The following FRAS1 variants were observed in gnomAD, a reference collection of about 807,000 sequenced individuals.
FRAS1 encodes the protein Fraser extracellular matrix complex subunit 1.
A neutral mutation model predicts 435.2 loss-of-function variants in FRAS1; 290 were observed. The observed-to-expected ratio is 0.67, with a 90% confidence interval of 0.61 to 0.73. The LOEUF is 0.73. Among genes scored for constraint, FRAS1 ranks in the 30% least tolerant of loss-of-function variants. FRAS1 has a pLI of 0.00. For missense variants in FRAS1, 4,860 were observed against 5,001.5 expected (o/e 0.97, Z 0.85); for synonymous variants, 1,800 against 1,851.0 (o/e 0.97, Z 0.71).
intron 2 of FRAS1, among the ~76,000 whole-genome samples, chr4:78,154,194 A>T (rs2110015325): frequency 6.6e-6 from 1 of 152,200 alleles, no homozygotes; most frequent in South Asian, 2.1e-4. Context: ...TTCAGAAATA[A>T]CCCTACTCAC....
intron 71 of FRAS1, among the ~76,000 whole-genome samples, chr4:78,535,374 C>T (rs529576635): frequency 1.2e-4 from 18 of 152,274 alleles, no homozygotes; most frequent in Admixed American, 5.2e-4. Flanking sequence ...TGGATCTCTC[C>T]GAGCCTCATT....
intron 46 of FRAS1, 46 bp downstream of exon 46, chr4:78,451,937 C>T: frequency 6.4e-7 from 1 of 1,556,594 alleles, no homozygotes; most frequent in African/African-American, 1.4e-5. Flanking sequence ...TTTAGCAGTT[C>T]TGAGGTTATA....
At chr4:78,087,455 T>A (rs1250889240) in intron 2 of FRAS1, among the ~76,000 whole-genome samples, 1 of 152,084 alleles carries the variant, frequency 6.6e-6, no homozygotes, top group Non-Finnish European at 1.5e-5. Context: ...AAATAAAGGG[T>A]ATTCAATTAG....
rs75451930 is a variant in FRAS1, at chr4:78,292,926, T to C, written c.1534+6387T>C. 8.9e-3 allele frequency among the ~76,000 whole-genome samples: 1,361 copies of C among 152,338 alleles called. 16 individuals are homozygous for C. The highest frequency in any genetic ancestry group is 0.027 in the Middle Eastern group (8 of 294). On this transcript the variant is annotated intron_variant, in intron 14 of 73. Coordinates refer to ENST00000512123, the MANE Select transcript of FRAS1 (RefSeq NM_025074.7). Reference sequence around the variant, plus strand: ...AACTTCTTTGGCATTCTACAGCAATTATGGTCCCTTACTAAATTGCTGACT... The same window carrying C: ...AACTTCTTTGGCATTCTACAGCAATCATGGTCCCTTACTAAATTGCTGACT...
intron 6 of FRAS1, among the ~76,000 whole-genome samples, chr4:78,258,551 G>A (rs1346053346): frequency 6.7e-6 from 1 of 149,468 alleles, no homozygotes; most frequent in African/African-American, 2.5e-5. Flanking sequence ...AGAAATCTGA[G>A]GTTTGTCTGC....
At chr4:78,243,919 T>C (rs1725119223) in intron 3 of FRAS1, among the ~76,000 whole-genome samples, 1 of 152,146 alleles carries the variant, frequency 6.6e-6, no homozygotes, top group South Asian at 2.1e-4. Flanking sequence ...TAGTGGAAAT[T>C]AGGCTAATGT....
Position 78,057,717 on chromosome 4 carries a change from C to A in FRAS1, c.-293C>A. On this transcript the variant is annotated 5_prime_UTR_variant, in exon 1 of 74. The change creates a new upstream start codon in the 5' untranslated region. Coordinates refer to ENST00000512123, the MANE Select transcript of FRAS1 (RefSeq NM_025074.7). This position sits in a 1 kb window ranked among gnomAD's most constrained non-coding sequence, Gnocchi z 4.2. ...TCCGGCGAGATTTTGACGCGGAGAA[C>A]TGTGCTCTGCCTCCTCTTATTCTCC... is the stretch of plus-strand genomic sequence containing the variant. 2.1e-6 allele frequency: 1 copy of A among 474,946 alleles called. No homozygotes were observed. Among genetic ancestry groups the A allele is most frequent in the Non-Finnish European group, 3.8e-6 (1 of 266,238 alleles). The allele number at this position is 474,946 out of a possible 1,614,324, so 29.4% of individuals were successfully genotyped here. A position where few individuals can be genotyped will look rare whatever the true frequency, so the allele number is the denominator to read the frequency against.
chr4:78,087,823 T>C (rs866973527), intron 2 of FRAS1, among the ~76,000 whole-genome samples: 3 of 152,274 alleles, frequency 2.0e-5, no homozygotes, highest in South Asian at 2.1e-4. Context: ...GTAGGAAGAA[T>C]CAATATTGTG....
intron 2 of FRAS1, among the ~76,000 whole-genome samples, chr4:78,180,437 A>G (rs183440247): frequency 1.6e-4 from 24 of 152,372 alleles, no homozygotes; most frequent in Non-Finnish European, 2.4e-4. Flanking sequence ...AGCATGTATT[A>G]AAGCCAGTAT....
At chr4:78,523,218 G>C (rs1376188391) in intron 69 of FRAS1, among the ~76,000 whole-genome samples, 1 of 152,108 alleles carries the variant, frequency 6.6e-6, no homozygotes, top group Non-Finnish European at 1.5e-5. Flanking sequence ...GACCAGAAGG[G>C]GCACACATCA....
At chr4:78,160,520 T>C (rs1389393425) in intron 2 of FRAS1, among the ~76,000 whole-genome samples, 1 of 152,178 alleles carries the variant, frequency 6.6e-6, no homozygotes, top group Non-Finnish European at 1.5e-5. Flanking sequence ...TGCACCTTTG[T>C]TTGCTGGTGC....
intron 2 of FRAS1, among the ~76,000 whole-genome samples, chr4:78,152,115 T>C (rs1720690779): frequency 6.6e-6 from 1 of 152,184 alleles, no homozygotes; most frequent in East Asian, 1.9e-4. Context: ...TGTCATGTCG[T>C]GCTATAATTT....
At chr4:78,195,129 G>A (rs1312709753) in intron 2 of FRAS1, among the ~76,000 whole-genome samples, 6 of 152,172 alleles carry the variant, frequency 3.9e-5, no homozygotes, top group Non-Finnish European at 4.4e-5. Context: ...TCGTTCCTCC[G>A]GAAGTTTTGT....
chr4:78,479,693 G>A lies in FRAS1; in HGVS notation c.8418G>A (p.Thr2806=), dbSNP rs528999904. ...CCTCGACTGTGTCCCTGGGCAACACGGCTTTCACTGTCAGTGAGGACGCAG... is the reference window on the plus strand; with the variant it reads ...CCTCGACTGTGTCCCTGGGCAACACAGCTTTCACTGTCAGTGAGGACGCAG... ...NDASTVSLGN[T]AFTVSEDAGT... The change falls in exon 56 of 74, where the codon ACG becomes ACA. Residue 2806 remains threonine, a synonymous_variant. Coordinates refer to ENST00000512123, the MANE Select transcript of FRAS1 (RefSeq NM_025074.7). 57 of 1,595,562 alleles carry A rather than the reference G, an allele frequency of 3.6e-5. No individual in the cohort carries two copies. In the South Asian group the frequency reaches 5.7e-4, roughly 16 times the overall value.
chr4:78,304,768 A>C (rs1384769635), intron 14 of FRAS1, among the ~76,000 whole-genome samples: 1 of 152,054 alleles, frequency 6.6e-6, no homozygotes, highest in African/African-American at 2.4e-5. Context: ...CTTTATTAGA[A>C]AAAAAAGTGG....
chr4:78,122,785 G>A (rs1036278847), intron 2 of FRAS1, among the ~76,000 whole-genome samples: 1 of 152,202 alleles, frequency 6.6e-6, no homozygotes, highest in East Asian at 1.9e-4. Context: ...CTTTTGAGAA[G>A]TGTCTGTTCA....
intron 70 of FRAS1, among the ~76,000 whole-genome samples, chr4:78,526,932 G>A (rs1209910207): frequency 2.6e-5 from 4 of 151,952 alleles, no homozygotes; most frequent in Non-Finnish European, 5.9e-5. Flanking sequence ...TTGCATTTTT[G>A]TGCCTTTTGT....
At chr4:78,438,423 G>A in intron 38 of FRAS1, 147 bp from the exon 39 acceptor site, 1 of 761,518 alleles carries the variant, frequency 1.3e-6, no homozygotes, top group Non-Finnish European at 2.1e-6. Flanking sequence ...ATTGTAGTTT[G>A]AAATACAAAG....
chr4:78,379,797 G>T lies in FRAS1; in HGVS notation c.3364G>T (p.Asp1122Tyr). The change falls in exon 27 of 74, where the codon GAT becomes TAT. Residue 1122 changes from aspartate to tyrosine, a missense_variant. By Grantham distance (160) the Asp-to-Tyr change is radical. Transcript: ENST00000512123. ...CCCAATTGGTTCAATAAAGCCACTG[G>T]ATTTTTCCCTCCTGAATGTCCAAGA... ...ILPIGSIKPL[D>Y]FSLLNVQDQE... 1 of 1,613,786 alleles carries T rather than the reference G, an allele frequency of 6.2e-7. No individual in the cohort carries two copies. Among genetic ancestry groups the T allele is most frequent in the South Asian group, 1.1e-5 (1 of 91,050 alleles).
Sources: allele counts gnomAD v4.1 joint callset (sites outside exome capture counted in the v4.1 genomes callset), GRCh38; gene constraint gnomAD v4.1.1; non-coding constraint Gnocchi (gnomAD v3.1); transcripts MANE v1.5; gene names NCBI Gene and HGNC (gene_info 2026-07-23, HGNC 2026-07-21).